LAMB1: variants seen among roughly 807,000 people sequenced by gnomAD.
The protein encoded by LAMB1 is laminin subunit beta 1.
In LAMB1, 121 loss-of-function variants were observed where a neutral mutation model predicts 222.3. That is an observed-to-expected ratio of 0.54 (90% CI 0.47 to 0.63). The LOEUF is 0.63. LAMB1 is among the 30% of genes least tolerant of loss of function. The pLI, the probability that LAMB1 is intolerant of heterozygous loss-of-function variation, is 0.00. For missense variants in LAMB1, 2,172 were observed against 2,240.8 expected (o/e 0.97, Z 0.62); for synonymous variants, 794 against 807.2 (o/e 0.98, Z 0.28).
chr7:107,943,634 C>T lies in LAMB1; in HGVS notation c.3392-3276G>A, dbSNP rs138885509. ...AACAGATTGCTTCTCTACTCTCCTC[C>T]CATCCCCAGATTCTGATTCAGTAGG... On this transcript the variant is annotated intron_variant, in intron 24 of 33. Coordinates refer to ENST00000222399, the MANE Select transcript of LAMB1 (RefSeq NM_002291.3). Among the ~76,000 whole-genome samples the T allele has an allele frequency of 2.3e-4, 35 of 152,216 alleles. No homozygotes were observed. The East Asian group carries it at 6.4e-3, about 28-fold the overall frequency.
At chr7:107,984,393 C>T (rs2150445369) in intron 7 of LAMB1, among the ~76,000 whole-genome samples, 1 of 152,300 alleles carries the variant, frequency 6.6e-6, no homozygotes, top group African/African-American at 2.4e-5. Context: ...GGATTACAGG[C>T]ATATGCCACC....
At chr7:107,990,299 C>T (rs1170561864) in intron 5 of LAMB1, among the ~76,000 whole-genome samples, 1 of 152,058 alleles carries the variant, frequency 6.6e-6, no homozygotes, top group Admixed American at 6.6e-5. Flanking sequence ...CTCAGCACCC[C>T]CAAGTGTTGG....
Position 107,937,078 on chromosome 7 carries a change from C to T in LAMB1, c.3946+15G>A. Reference sequence around the variant, plus strand: ...AATCCATTGTCTGGGACTATTTGCACCAAAAAATGCTCACCCCGAATATCT... The same window carrying T: ...AATCCATTGTCTGGGACTATTTGCATCAAAAAATGCTCACCCCGAATATCT... On this transcript the variant is annotated intron_variant, in intron 26 of 33. Transcript: ENST00000222399. The T allele has an allele frequency of 1.9e-6, 3 of 1,608,768 alleles. No homozygotes were observed. Among genetic ancestry groups the T allele is most frequent in the Non-Finnish European group, 1.7e-6 (2 of 1,175,930 alleles).
intron 25 of LAMB1, among the ~76,000 whole-genome samples, chr7:107,937,777 G>A (rs1008219427): frequency 1.3e-5 from 2 of 152,190 alleles, no homozygotes; most frequent in Admixed American, 6.5e-5. Context: ...GGAGCCACCA[G>A]TATCAGCTTT....
At chr7:107,959,202 C>T (rs2033440063) in intron 20 of LAMB1, 47 bp downstream of exon 20, 1 of 1,487,980 alleles carries the variant, frequency 6.7e-7, no homozygotes, top group Non-Finnish European at 9.3e-7. Flanking sequence ...ATGCTGTCTG[C>T]TCAGCCAGAG....
At chr7:107,934,303 T>C (rs554832028) in intron 27 of LAMB1, among the ~76,000 whole-genome samples, 2 of 152,326 alleles carry the variant, frequency 1.3e-5, no homozygotes, top group East Asian at 3.9e-4. Flanking sequence ...GAAGCATCAC[T>C]AAGACAAAGC....
rs1475160082 is a variant in LAMB1, at chr7:107,998,460, T to C, written c.246A>G (p.Gln82=). 3 of 1,614,032 alleles carry C rather than the reference T, an allele frequency of 1.9e-6. No individual in the cohort carries two copies. In the African/African-American group the frequency reaches 4.0e-5, roughly 22 times the overall value. The change falls in exon 4 of 34, where the codon CAA becomes CAG. Residue 82 remains glutamine (Q), a synonymous_variant. Transcript: ENST00000222399. ...EDKKCFICNS[Q]DPYHETLNPD... ...GATTCAGGGTCTCATGATAAGGATC[T>C]TGGGAATTGCATATGAAGCATTTTT...
chr7:107,973,332 A>G (rs971460368), intron 12 of LAMB1, among the ~76,000 whole-genome samples: 3 of 152,210 alleles, frequency 2.0e-5, no homozygotes, highest in Non-Finnish European at 2.9e-5. Context: ...ACCTCCATCC[A>G]ACAACTAAGA....
chr7:107,946,655 A>G (rs1191994387), intron 24 of LAMB1, among the ~76,000 whole-genome samples: 6 of 152,262 alleles, frequency 3.9e-5, no homozygotes, highest in Non-Finnish European at 7.3e-5. Flanking sequence ...TTAGGATTAC[A>G]TAAGACAAGA....
rs77819328 is a variant in LAMB1, at chr7:107,978,549, T to A, written c.880-382A>T. Among the ~76,000 whole-genome samples the A allele has an allele frequency of 8.0e-3, 1,211 of 152,072 alleles. 24 individuals are homozygous for A. The highest frequency in any genetic ancestry group is 0.027 in the African/African-American group (1,137 of 41,492). ...AAGTTATAATGTAGAACTAAATGCA[T>A]ACATACCACCTGGAAACCAATTTAT... On this transcript the variant is annotated intron_variant, in intron 8 of 33. Coordinates refer to ENST00000222399, the MANE Select transcript of LAMB1 (RefSeq NM_002291.3).
At chr7:107,955,694 A>C in intron 20 of LAMB1, 64 bp from the exon 21 acceptor site, 4 of 1,465,242 alleles carry the variant, frequency 2.7e-6, no homozygotes, top group Non-Finnish European at 3.7e-6. Context: ...GTTCCAAGGA[A>C]AGTCTTGAAA....
Position 107,955,474 on chromosome 7 carries a change from T to C in LAMB1, c.2847A>G (p.Gly949=). The change falls in exon 21 of 34, where the codon GGA becomes GGG. Residue 949 remains glycine (G), a synonymous_variant. Coordinates refer to ENST00000222399, the MANE Select transcript of LAMB1 (RefSeq NM_002291.3). The stretch of plus-strand genomic sequence containing the variant: ...AGTATGCACACGACTTACCAATGTA[T>C]CCAGGATCACAAACACAGGCAAGCT... ...TLQLACVCDP[G]YIGSRCDDCA... 5.6e-6 allele frequency: 9 copies of C among 1,613,834 alleles called. No individual in the cohort carries two copies. The highest frequency in any genetic ancestry group is 6.8e-6 in the Non-Finnish European group (8 of 1,179,864).
chr7:107,995,020 A>G, intron 4 of LAMB1, 60 bp from the exon 5 acceptor site: 1 of 882,516 alleles, frequency 1.1e-6, no homozygotes, highest in Non-Finnish European at 1.8e-6. Context: ...AACATCTGTG[A>G]ATAGTTGAGA....
At chr7:107,943,628 C>G (rs1280222478) in intron 24 of LAMB1, among the ~76,000 whole-genome samples, 1 of 152,148 alleles carries the variant, frequency 6.6e-6, no homozygotes, top group Non-Finnish European at 1.5e-5. Flanking sequence ...CTTCTCTACT[C>G]TCCTCCCATC....
chr7:107,932,309 G>T lies in LAMB1; in HGVS notation c.4257C>A (p.Asp1419Glu), dbSNP rs375046008. The T allele has an allele frequency of 1.2e-6, 2 of 1,614,008 alleles. No individual in the cohort carries two copies. The highest frequency in any genetic ancestry group is 1.3e-5 in the African/African-American group (1 of 74,910). The change falls in exon 28 of 34, where the codon GAC becomes GAA. Residue 1419 changes from aspartate to glutamate, a missense_variant. Coordinates refer to ENST00000222399, the MANE Select transcript of LAMB1 (RefSeq NM_002291.3). Reference protein sequence around the residue: ...TECGGPNCRTDEGERKCGGPG... With the variant: ...TECGGPNCRTEEGERKCGGPG... ...GCCCCCCACACTTCCTCTCTCCTTC[G>T]TCAGTTCTGCAGTTTGGCCCGCCAC...
intron 14 of LAMB1, 47 bp downstream of exon 14, chr7:107,964,505 A>AC (rs760139419): frequency 2.2e-5 from 35 of 1,610,912 alleles, no homozygotes; most frequent in Non-Finnish European, 2.8e-5. Flanking sequence ...GTTCCACTAC[A>AC]CCCCAAAACA....
In LAMB1 at chr7:107,930,158, G is replaced by A. The variant is rs530539024; in HGVS notation, c.4538-539C>T. On this transcript the variant is annotated intron_variant, in intron 29 of 33. Transcript: ENST00000222399. ...CTAGATTCAGGAAATTATAGAAAGG[G>A]AGAAAATTATAGAAGCAGGAGAACC... Among the ~76,000 whole-genome samples the A allele has an allele frequency of 4.6e-5, 7 of 152,220 alleles. No individual in the cohort carries two copies. In the South Asian group the frequency reaches 1.5e-3, roughly 32 times the overall value.
Position 107,931,507 on chromosome 7 carries a change from A to G in LAMB1, c.4393-7T>C, listed in dbSNP as rs1175269830. ...TCAGTTTTGCTTCAGAGACCTAAAT[A>G]TGAAGAATAAATTACCCAGGGAAGA... On this transcript the variant is annotated splice_polypyrimidine_tract_variant and splice_region_variant and intron_variant, in intron 28 of 33. Transcript: ENST00000222399. 3 of 1,611,504 alleles carry G rather than the reference A, an allele frequency of 1.9e-6. No homozygotes were observed. The highest frequency in any genetic ancestry group is 2.7e-5 in the African/African-American group (2 of 74,852).
At chr7:107,939,847 A>C (rs2032937439) in intron 25 of LAMB1, 142 bp downstream of exon 25, 1 of 991,746 alleles carries the variant, frequency 1.0e-6, no homozygotes, top group Admixed American at 2.4e-5. Flanking sequence ...GACTGCTGGA[A>C]AATAAATGGC....
Sources: gnomAD v4.1 joint callset for allele counts (sites outside exome capture counted in the v4.1 genomes callset) on GRCh38, gnomAD v4.1.1 for gene constraint, MANE v1.5 for transcripts, NCBI Gene and HGNC (gene_info 2026-07-23, HGNC 2026-07-21) for gene names.